Variants in SGPP2 observed in about 807,000 individuals in gnomAD.
SGPP2 encodes the protein sphingosine 1-phosphate phosphohydrolase 2.
SGPP2 carries 30 observed loss-of-function variants against 33.9 expected under a neutral mutation model. The observed-to-expected ratio is 0.89, with a 90% CI of 0.66 to 1.20. The LOEUF (loss-of-function observed/expected upper bound fraction) is 1.20. Among genes scored for constraint, SGPP2 ranks in the 50% most tolerant of loss-of-function variants. SGPP2 has a pLI of 0.00. For missense variants in SGPP2, 458 were observed against 532.1 expected (o/e 0.86, Z 1.37); for synonymous variants, 233 against 225.0 (o/e 1.04, Z -0.32).
intron 1 of SGPP2, among the ~76,000 whole-genome samples, chr2:222,442,020 A>G (rs1697332445): frequency 6.6e-6 from 1 of 152,238 alleles, no homozygotes; most frequent in Non-Finnish European, 1.5e-5. Context: ...AAGCAACCAC[A>G]TGAAATGCTA....
intron 2 of SGPP2, among the ~76,000 whole-genome samples, chr2:222,513,347 C>G (rs1349103230): frequency 6.6e-6 from 1 of 152,082 alleles, no homozygotes; most frequent in Non-Finnish European, 1.5e-5. Context: ...AAATAACATG[C>G]AAAGGAGCTA....
intron 1 of SGPP2, among the ~76,000 whole-genome samples, chr2:222,448,027 G>T (rs1016347065): frequency 2.6e-5 from 4 of 152,192 alleles, no homozygotes; most frequent in Non-Finnish European, 1.5e-5. Context: ...GCTGAGGCAG[G>T]CCAGCTAGAA....
At chr2:222,451,140 G>GAA (rs5838950) in intron 1 of SGPP2, among the ~76,000 whole-genome samples, 7 of 131,152 alleles carry the variant, frequency 5.3e-5, no homozygotes, top group East Asian at 4.5e-4. Flanking sequence ...TACAAAAAGA[G>GAA]AAAAAAAAAA....
At chr2:222,491,254 C>T (rs186300051) in intron 2 of SGPP2, among the ~76,000 whole-genome samples, 33 of 152,316 alleles carry the variant, frequency 2.2e-4, no homozygotes, top group Admixed American at 2.0e-3. Context: ...CCTGCCTCAG[C>T]TTCCTGAGCA....
chr2:222,554,661 ATC>A (rs1451937570), intron 4 of SGPP2, among the ~76,000 whole-genome samples: 1 of 152,112 alleles, frequency 6.6e-6, no homozygotes, highest in Non-Finnish European at 1.5e-5. Context: ...AAACCTCCGC[ATC>A]TCTGTCAGCA....
At chr2:222,437,420 T>C (rs570383377) in intron 1 of SGPP2, among the ~76,000 whole-genome samples, 1 of 152,314 alleles carries the variant, frequency 6.6e-6, no homozygotes, top group East Asian at 1.9e-4. Context: ...CTGTCCACTT[T>C]CGGGTGGTGC....
At chr2:222,429,972 A>G (rs757738382) in intron 1 of SGPP2, among the ~76,000 whole-genome samples, 6 of 152,218 alleles carry the variant, frequency 3.9e-5, no homozygotes, top group Admixed American at 6.5e-5. Context: ...ATTTCCAGTC[A>G]ACATCCATTG....
At chr2:222,523,630 A>T (rs921654534) in intron 3 of SGPP2, among the ~76,000 whole-genome samples, 6 of 152,154 alleles carry the variant, frequency 3.9e-5, no homozygotes, top group African/African-American at 1.4e-4. Context: ...TTTGATTTTT[A>T]ATAGTGAATG....
intron 1 of SGPP2, among the ~76,000 whole-genome samples, chr2:222,434,975 TACACACACACACACACACAC>T (rs71053082): frequency 6.8e-6 from 1 of 146,008 alleles, no homozygotes; most frequent in Admixed American, 6.8e-5. Flanking sequence ...TGGAGATATA[TACACACACACACACACACAC>T]ACACACACAC....
intron 1 of SGPP2, among the ~76,000 whole-genome samples, chr2:222,464,799 A>C (rs1283556201): frequency 6.6e-6 from 1 of 152,190 alleles, no homozygotes; most frequent in Non-Finnish European, 1.5e-5. Context: ...CAGGGTTTTA[A>C]GTGATGATGA....
intron 1 of SGPP2, among the ~76,000 whole-genome samples, chr2:222,426,414 C>G (rs1172301399): frequency 1.3e-5 from 2 of 152,142 alleles, no homozygotes; most frequent in Non-Finnish European, 2.9e-5. Context: ...GTGAATTGTT[C>G]CACCAGTGCT....
chr2:222,538,038 C>T (rs993368839), intron 4 of SGPP2, among the ~76,000 whole-genome samples: 2 of 152,162 alleles, frequency 1.3e-5, no homozygotes, highest in Non-Finnish European at 2.9e-5. Context: ...GATGGTTCCC[C>T]TATGAATTAT....
intron 4 of SGPP2, among the ~76,000 whole-genome samples, chr2:222,539,832 G>A (rs1165924906): frequency 1.3e-5 from 2 of 152,110 alleles, no homozygotes; most frequent in African/African-American, 4.8e-5. Flanking sequence ...TACCTAACAG[G>A]GTGCCAGTTG....
In SGPP2 at chr2:222,558,680, T is replaced by A. The variant is rs188535288; in HGVS notation, c.982T>A (p.Phe328Ile). 3 of 1,614,172 alleles carry A rather than the reference T, an allele frequency of 1.9e-6. No homozygotes were observed. The highest frequency in any genetic ancestry group is 2.2e-5 in the South Asian group (2 of 91,086). ...CATGTTAGTTTTGGGTCTGACCAAA[T>A]TTGCAGTGGGAATTGTGTTGATCCT... is the stretch of plus-strand genomic sequence containing the variant. Reference protein sequence around the residue: ...TYMLVLGLTKFAVGIVLILLV... With the variant: ...TYMLVLGLTKIAVGIVLILLV... The change falls in exon 5 of 5, where the codon TTT (phenylalanine) becomes ATT (isoleucine). Residue 328 changes from phenylalanine to isoleucine, a missense_variant. Phe to Ile is a conservative substitution (Grantham distance 21, BLOSUM62 0). Transcript: ENST00000321276.
chr2:222,480,264 T>C (rs1177607661), intron 2 of SGPP2, among the ~76,000 whole-genome samples: 1 of 152,258 alleles, frequency 6.6e-6, no homozygotes, highest in Non-Finnish European at 1.5e-5. Flanking sequence ...TTTTGCTAAA[T>C]TCCTCATTTT....
chr2:222,440,750 A>T (rs1289426912), intron 1 of SGPP2, among the ~76,000 whole-genome samples: 3 of 151,942 alleles, frequency 2.0e-5, no homozygotes, highest in Non-Finnish European at 4.4e-5. Flanking sequence ...TCTCTCTTCC[A>T]GTTGTCTTTT....
At chr2:222,483,442 GT>G (rs1191004456) in intron 2 of SGPP2, among the ~76,000 whole-genome samples, 1 of 152,002 alleles carries the variant, frequency 6.6e-6, no homozygotes, top group Non-Finnish European at 1.5e-5. Flanking sequence ...TAAAATGGTG[GT>G]TTTTCAGTAT....
At chr2:222,482,125 T>A (rs1228195176) in intron 2 of SGPP2, among the ~76,000 whole-genome samples, 2 of 152,100 alleles carry the variant, frequency 1.3e-5, no homozygotes, top group Non-Finnish European at 2.9e-5. Context: ...TGGTCAGAAG[T>A]TTCTGGTCCT....
At chr2:222,469,449 CTGGG>C (rs1697805520) in intron 1 of SGPP2, among the ~76,000 whole-genome samples, 1 of 152,218 alleles carries the variant, frequency 6.6e-6, no homozygotes, top group African/African-American at 2.4e-5. Context: ...TCCCAAAGTG[CTGGG>C]ATTACAGGCA....
Sources: gnomAD v4.1 joint callset for allele counts (sites outside exome capture counted in the v4.1 genomes callset) on GRCh38, gnomAD v4.1.1 for gene constraint, MANE v1.5 for transcripts, NCBI Gene and HGNC (gene_info 2026-07-23, HGNC 2026-07-21) for gene names.